Variants in PLD3 observed in about 807,000 individuals in gnomAD.
PLD3 encodes the protein phospholipase D family member 3, also known as 5'-3' exonuclease PLD3.
In PLD3, 31 loss-of-function variants were observed where a neutral mutation model predicts 58.4. That is an observed-to-expected ratio of 0.53 (90% confidence interval 0.40 to 0.72). The LOEUF is 0.72. Ranked by LOEUF, PLD3 falls within the 30% of genes least tolerant of loss-of-function variation. PLD3 has a pLI of 0.00. For synonymous variants in PLD3, 264 were observed against 273.4 expected, an observed-to-expected ratio of 0.97 and a Z score of 0.34; for missense variants, 595 against 659.8, an observed-to-expected ratio of 0.90 and a Z score of 1.08.
chr19:40,356,223 TGA>T (rs926429787), intron 1 of PLD3: 3 of 151,704 alleles, frequency 2.0e-5, no homozygotes, highest in African/African-American at 2.4e-5. Flanking sequence ...GGAAGAACGG[TGA>T]GAGAGTAGGC....
chr19:40,350,552 T>C (rs2078486201), intron 1 of PLD3, among the ~76,000 whole-genome samples: 1 of 151,796 alleles, frequency 6.6e-6, no homozygotes, highest in Non-Finnish European at 1.5e-5. Context: ...GAGACCAGCC[T>C]GGACAACATG....
intron 8 of PLD3, chr19:40,370,502 A>T: frequency 3.6e-6 from 1 of 278,208 alleles, no homozygotes; most frequent in Non-Finnish European, 6.8e-6. Flanking sequence ...GTGAGACCCC[A>T]TCTCTACCAA....
chr19:40,376,500 C>T (rs536599347), intron 10 of PLD3, 109 bp from the exon 11 acceptor site: 1 of 1,068,764 alleles, frequency 9.4e-7, no homozygotes, highest in East Asian at 2.4e-5. Context: ...AGGAAGTCCT[C>T]TCAATAGCTA....
chr19:40,374,849 G>A (rs2079154901), intron 10 of PLD3: 2 of 552,848 alleles, frequency 3.6e-6, no homozygotes, highest in African/African-American at 3.8e-5. Context: ...GACAAGGTTT[G>A]AGGGAACAGA....
Position 40,377,831 on chromosome 19 carries a change from T to C in PLD3, c.1231T>C (p.Tyr411His). ...GGATGAGGCCCAGGCTCGAATCCCA[T>C]ATGCCCGTGTCAACCACAACAAGTA... ...PADEAQARIPYARVNHNKYMV... is the reference protein window; with the variant it reads ...PADEAQARIPHARVNHNKYMV... The change falls in exon 12 of 13, where the codon TAT becomes CAT. Residue 411 changes from tyrosine (Y) to histidine (H), a missense_variant. Physicochemically the swap from Tyr to His is moderately conservative, Grantham distance 83 (BLOSUM62 2). Coordinates refer to ENST00000409735, the MANE Select transcript of PLD3 (RefSeq NM_012268.4). 1 of 1,614,000 alleles carries C rather than the reference T, an allele frequency of 6.2e-7. No individual in the cohort carries two copies. Among genetic ancestry groups the C allele is most frequent in the South Asian group, 1.1e-5 (1 of 91,088 alleles).
intron 1 of PLD3, chr19:40,360,006 T>G (rs1367304703): frequency 6.6e-6 from 1 of 152,072 alleles, no homozygotes; most frequent in Non-Finnish European, 1.5e-5. Flanking sequence ...GCCTGTTGAC[T>G]CCTTTAATTC....
In PLD3 at chr19:40,366,927, G is replaced by A; in HGVS notation, c.245+12G>A. The A allele has an allele frequency of 5.0e-6, 8 of 1,588,342 alleles. 1 individual carries two copies. Among genetic ancestry groups the A allele is most frequent in the South Asian group, 3.4e-5 (3 of 87,622 alleles). ...TATGACCCTTGCGAGTAAGTGGGGG[G>A]TGCTGCAGTTGGTGGGGGAGGGGCC... On this transcript the variant is annotated intron_variant, in intron 5 of 12. Transcript: ENST00000409735.
At chr19:40,367,550 C>T (rs1480960522) in intron 5 of PLD3, 146 bp from the exon 6 acceptor site, 3 of 647,292 alleles carry the variant, frequency 4.6e-6, no homozygotes, top group Non-Finnish European at 7.6e-6. Context: ...CACTGCGCTT[C>T]CAGCCTGGGG....
chr19:40,373,236 A>T (rs549028026), intron 9 of PLD3, among the ~76,000 whole-genome samples: 2 of 152,036 alleles, frequency 1.3e-5, no homozygotes, highest in Non-Finnish European at 2.9e-5. Flanking sequence ...TCTCCTCATT[A>T]CCACTTCCCC....
chr19:40,376,048 G>A (rs945736066), intron 10 of PLD3, among the ~76,000 whole-genome samples: 1 of 149,930 alleles, frequency 6.7e-6, no homozygotes, highest in African/African-American at 2.5e-5. Flanking sequence ...GCAAGAACCT[G>A]TCTCAAAAAG....
chr19:40,349,932 T>C (rs2145650576), intron 1 of PLD3, among the ~76,000 whole-genome samples: 1 of 149,708 alleles, frequency 6.7e-6, no homozygotes, highest in South Asian at 2.1e-4. Context: ...CACTCCAGCC[T>C]GGGCAACAAG....
chr19:40,365,628 C>T (rs1380808790), intron 1 of PLD3, 90 bp from the exon 2 acceptor site: 1 of 152,222 alleles, frequency 6.6e-6, no homozygotes, highest in Non-Finnish European at 1.5e-5. Flanking sequence ...TTGTTCTTTA[C>T]CTGTGGCCTC....
chr19:40,356,031 G>A (rs2078649078), intron 1 of PLD3: 2 of 152,502 alleles, frequency 1.3e-5, no homozygotes, highest in African/African-American at 4.8e-5. Context: ...AGAGGGATCA[G>A]GGCTGGGAAA....
At chr19:40,352,197 C>T (rs1365437586) in intron 1 of PLD3, among the ~76,000 whole-genome samples, 2 of 151,464 alleles carry the variant, frequency 1.3e-5, no homozygotes, top group Non-Finnish European at 2.9e-5. Context: ...CGCTTGAACC[C>T]GGGAGGCAGA....
intron 5 of PLD3, 25 bp downstream of exon 5, chr19:40,366,940 T>G: frequency 1.3e-6 from 2 of 1,578,864 alleles, no homozygotes; most frequent in Non-Finnish European, 1.7e-6. Context: ...CTGCAGTTGG[T>G]GGGGGAGGGG....
At chr19:40,356,399 GC>G (rs2078657442) in intron 1 of PLD3, 1 of 152,688 alleles carries the variant, frequency 6.5e-6, no homozygotes, top group Admixed American at 6.6e-5. Flanking sequence ...GAGTCTGGAA[GC>G]CAAGGGAGGT....
chr19:40,374,191 C>A (rs1343226067), intron 9 of PLD3, among the ~76,000 whole-genome samples: 2 of 152,098 alleles, frequency 1.3e-5, no homozygotes, highest in Non-Finnish European at 2.9e-5. Flanking sequence ...GGATCAGGGA[C>A]CTTACGTTGA....
At chr19:40,376,517 G>A (rs905223437) in intron 10 of PLD3, 92 bp from the exon 11 acceptor site, 3 of 1,268,044 alleles carry the variant, frequency 2.4e-6, no homozygotes, top group Non-Finnish European at 2.2e-6. Context: ...GCTAAAGCAG[G>A]GCCCAGGCTT....
At chr19:40,365,568 G>C (rs1287010547) in intron 1 of PLD3, 150 bp from the exon 2 acceptor site, 1 of 152,202 alleles carries the variant, frequency 6.6e-6, no homozygotes, top group Non-Finnish European at 1.5e-5. Flanking sequence ...GCATGTCCAT[G>C]GTACACAAAT....
Sources: gnomAD v4.1 joint callset for allele counts (sites outside exome capture counted in the v4.1 genomes callset) on GRCh38, gnomAD v4.1.1 for gene constraint, MANE v1.5 for transcripts, NCBI Gene and HGNC (gene_info 2026-07-23, HGNC 2026-07-21) for gene names.